EGFLAM: variants seen among roughly 807,000 people sequenced by gnomAD.
The protein encoded by EGFLAM is EGF like, fibronectin type III and laminin G domains, also known as pikachurin.
EGFLAM carries 79 observed loss-of-function variants against 113.1 expected under a neutral mutation model. The observed-to-expected ratio is 0.70, with a 90% CI of 0.58 to 0.84. The LOEUF is 0.84. EGFLAM is among the 40% of genes least tolerant of loss of function. The pLI is 0.00. For synonymous variants in EGFLAM, 504 were observed against 487.6 expected (o/e 1.03, Z -0.44); for missense variants, 1,265 against 1,291.6 (o/e 0.98, Z 0.32).
intron 6 of EGFLAM, among the ~76,000 whole-genome samples, chr5:38,380,862 G>A (rs1051485773): frequency 2.0e-5 from 3 of 152,068 alleles, no homozygotes; most frequent in African/African-American, 7.2e-5. Flanking sequence ...TAATAATCAG[G>A]ACACCAATAT....
intron 1 of EGFLAM, among the ~76,000 whole-genome samples, chr5:38,288,017 G>T (rs1240825540): frequency 1.3e-5 from 2 of 152,144 alleles, no homozygotes; most frequent in Non-Finnish European, 2.9e-5. Flanking sequence ...GTTGGAAATA[G>T]AAATTACTTA....
intron 19 of EGFLAM, among the ~76,000 whole-genome samples, chr5:38,453,475 G>A (rs958945495): frequency 6.6e-6 from 1 of 152,116 alleles, no homozygotes; most frequent in African/African-American, 2.4e-5. Context: ...CCAATGTTAT[G>A]CTATTCCCTA....
intron 15 of EGFLAM, among the ~76,000 whole-genome samples, chr5:38,434,100 C>T (rs553464273): frequency 6.6e-6 from 1 of 152,334 alleles, no homozygotes; most frequent in African/African-American, 2.4e-5. Flanking sequence ...AGTCTCATTG[C>T]TTTTTGGGTA....
At chr5:38,307,659 T>A (rs1255069987) in intron 1 of EGFLAM, among the ~76,000 whole-genome samples, 1 of 152,006 alleles carries the variant, frequency 6.6e-6, no homozygotes, top group Admixed American at 6.6e-5. Context: ...TGAGCTCCAC[T>A]TTGTCACACA....
At chr5:38,335,126 A>G (rs1330148265) in intron 1 of EGFLAM, among the ~76,000 whole-genome samples, 2 of 152,180 alleles carry the variant, frequency 1.3e-5, no homozygotes, top group East Asian at 3.8e-4. Context: ...AATTTACCCA[A>G]ATAAATAATT....
rs1234549301 is a variant in EGFLAM, at chr5:38,463,837, A to G, written c.2881A>G (p.Met961Val). 6.2e-7 allele frequency: 1 copy of G among 1,612,956 alleles called. No individual in the cohort carries two copies. Reference protein sequence around the residue: ...NINGALYVGGMKEIALHTNRQ... With the variant: ...NINGALYVGGVKEIALHTNRQ... ...TCCCTCTTGCTTCCTGGCAGGTGGAATGAAGGAAATTGCTCTGCACACTAA... is the reference window on the plus strand; with the variant it reads ...TCCCTCTTGCTTCCTGGCAGGTGGAGTGAAGGAAATTGCTCTGCACACTAA... Residue 961 changes from methionine to valine, a missense_variant, in exon 22 of 22, where the codon ATG (methionine) becomes GTG (valine). By Grantham distance (21) the Met-to-Val change is conservative. Coordinates refer to ENST00000322350, the MANE Select transcript of EGFLAM (RefSeq NM_152403.4).
chr5:38,401,521 C>T (rs1036559498), intron 6 of EGFLAM, among the ~76,000 whole-genome samples: 8 of 152,100 alleles, frequency 5.3e-5, no homozygotes, highest in Middle Eastern at 6.3e-3. Flanking sequence ...TCCATTCTTA[C>T]TTCTAGCTTC....
intron 6 of EGFLAM, among the ~76,000 whole-genome samples, chr5:38,378,707 C>T (rs1307754925): frequency 2.0e-5 from 3 of 152,184 alleles, no homozygotes; most frequent in African/African-American, 2.4e-5. Flanking sequence ...AGAATCTGGC[C>T]GGCAAGTCTG....
In EGFLAM at chr5:38,339,520, C is replaced by T. The variant is rs551849239; in HGVS notation, c.291+739C>T. 2.6e-5 allele frequency among the ~76,000 whole-genome samples: 4 copies of T among 152,264 alleles called. 1 individual carries two copies. The South Asian group carries it at 8.3e-4, about 32-fold the overall frequency. ...TTCTGGCAGCAGCACCTGAGAGAAA[C>T]CTGTTTGTCATCCATGATAAGGAAC... is the stretch of plus-strand genomic sequence containing the variant. On this transcript the variant is annotated intron_variant, in intron 3 of 21. Transcript: ENST00000322350.
At chr5:38,409,876 T>C (rs140691646) in intron 10 of EGFLAM, among the ~76,000 whole-genome samples, 1 of 151,950 alleles carries the variant, frequency 6.6e-6, no homozygotes, top group Non-Finnish European at 1.5e-5. Context: ...GGGGGCAGAG[T>C]TTTGTCGAAG....
At chr5:38,342,431 A>C (rs1218826503) in intron 3 of EGFLAM, among the ~76,000 whole-genome samples, 1 of 152,238 alleles carries the variant, frequency 6.6e-6, no homozygotes, top group African/African-American at 2.4e-5. Context: ...CGATTACCTT[A>C]AAAGGTAGAT....
At chr5:38,379,210 C>T (rs1051579643) in intron 6 of EGFLAM, among the ~76,000 whole-genome samples, 1 of 152,012 alleles carries the variant, frequency 6.6e-6, no homozygotes, top group Non-Finnish European at 1.5e-5. Flanking sequence ...TTCCCTTTAC[C>T]CACAGAGGGG....
At chr5:38,325,250 C>G (rs1430729843) in intron 1 of EGFLAM, among the ~76,000 whole-genome samples, 1 of 152,162 alleles carries the variant, frequency 6.6e-6, no homozygotes, top group Non-Finnish European at 1.5e-5. Flanking sequence ...ACAAGATCCT[C>G]ATTCAACAGA....
intron 1 of EGFLAM, among the ~76,000 whole-genome samples, chr5:38,293,664 G>T (rs924041572): frequency 1.3e-5 from 2 of 151,912 alleles, no homozygotes; most frequent in Non-Finnish European, 2.9e-5. Flanking sequence ...TTATATATAG[G>T]GTTATATATT....
intron 12 of EGFLAM, among the ~76,000 whole-genome samples, chr5:38,420,418 C>T (rs1741785592): frequency 6.6e-6 from 1 of 152,200 alleles, no homozygotes. Flanking sequence ...AACATAAGAA[C>T]CAGCCATTCC....
chr5:38,462,789 T>TGCTGCAGCC (rs1743331519), intron 20 of EGFLAM, 119 bp from the exon 21 acceptor site: 1 of 1,141,014 alleles, frequency 8.8e-7, no homozygotes, highest in Admixed American at 2.1e-5. Flanking sequence ...CCCCATCATT[T>TGCTGCAGCC]AGCACAGTAC....
chr5:38,460,898 C>CT (rs1703699393), intron 20 of EGFLAM: 1 of 152,212 alleles, frequency 6.6e-6, no homozygotes, highest in Non-Finnish European at 1.5e-5. Context: ...GCATCCTGCT[C>CT]TTGCAGGCAT....
intron 17 of EGFLAM, 21 bp from the exon 18 acceptor site, chr5:38,448,280 C>T: frequency 6.2e-7 from 1 of 1,614,026 alleles, no homozygotes; most frequent in Non-Finnish European, 8.5e-7. Context: ...TATGTAACCT[C>T]CTTTTTCTGT....
In EGFLAM at chr5:38,435,192, A is replaced by G. The variant is rs202234341; in HGVS notation, c.2222A>G (p.Asn741Ser). ...NTDIFIGGVP[N>S]YDDVKKNSGV... ...GACATTTTCATTGGCGGAGTCCCCA[A>G]TTATGATGATGTGAAGAAGAACTCG... is the stretch of plus-strand genomic sequence containing the variant. The change falls in exon 16 of 22, where the codon AAT (asparagine) becomes AGT (serine). Residue 741 changes from asparagine to serine, a missense_variant. Transcript: ENST00000322350. 5.1e-5 allele frequency: 83 copies of G among 1,614,138 alleles called. No homozygotes were observed. Among genetic ancestry groups the G allele is most frequent in the East Asian group, 8.9e-5 (4 of 44,870 alleles).
Sources: allele counts gnomAD v4.1 joint callset (sites outside exome capture counted in the v4.1 genomes callset), GRCh38; gene constraint gnomAD v4.1.1; transcripts MANE v1.5; gene names NCBI Gene and HGNC (gene_info 2026-07-23, HGNC 2026-07-21).